The following MMUT variants were observed in gnomAD, a reference collection of about 807,000 sequenced individuals.
MMUT encodes the protein methylmalonyl-CoA mutase, mitochondrial.
A neutral mutation model predicts 79.9 loss-of-function variants in MMUT; 79 were observed. The observed-to-expected ratio is 0.99, with a 90% confidence interval of 0.82 to 1.19. MMUT has a LOEUF of 1.19. Ranked by LOEUF, MMUT falls within the 50% of genes most tolerant of loss-of-function variation. MMUT has a pLI of 0.00. For synonymous variants in MMUT, 273 were observed against 295.7 expected, an observed-to-expected ratio of 0.92 and a Z score of 0.79; for missense variants, 860 against 917.2, an observed-to-expected ratio of 0.94 and a Z score of 0.81.
rs753801296 is a variant in MMUT at position 49,453,666 on chromosome 6, C to T, written c.1002G>A (p.Glu334=). Residue 334 remains glutamate (E), a synonymous_variant, in exon 5 of 13, where the codon GAG becomes GAA. Coordinates refer to ENST00000274813, the MANE Select transcript of MMUT (RefSeq NM_000255.4). The part of the protein sequence containing the change: ...AGRRLWAHLI[E]KMFQPKNSKS... ...TTGAGTTTTTAGGCTGAAACATTTT[C>T]TCTATTAAGTGAGCCCAGAGTCTTC... is the stretch of plus-strand genomic sequence containing the variant. The T allele has an allele frequency of 9.3e-6, 15 of 1,613,116 alleles. No individual in the cohort carries two copies. The highest frequency in any genetic ancestry group is 1.3e-5 in the Non-Finnish European group (15 of 1,179,422).
chr6:49,438,983 A>G (rs974021226), intron 11 of MMUT, among the ~76,000 whole-genome samples: 1 of 152,058 alleles, frequency 6.6e-6, no homozygotes, highest in Admixed American at 6.6e-5. Context: ...CATGTGAGTT[A>G]ACACTTAATA....
chr6:49,456,292 A>T, intron 3 of MMUT, 55 bp from the exon 4 acceptor site: 1 of 1,212,940 alleles, frequency 8.2e-7, no homozygotes, highest in Non-Finnish European at 1.2e-6. Context: ...AAAAGGTCCT[A>T]TTAAATCCAC....
Position 49,451,490 on chromosome 6 carries a change from A to G in MMUT, c.1308T>C (p.Asn436=), listed in dbSNP as rs766646882. The change falls in exon 6 of 13, where the codon AAT becomes AAC. Residue 436 remains asparagine, a synonymous_variant. Transcript: ENST00000274813. The stretch of plus-strand genomic sequence containing the variant: ...CCTTTAAAGCAGCATCATAAACATC[A>G]TTTGTGAGACATTCCATCATGTAAG... The part of the protein sequence containing the change: ...GGSYMMECLT[N]DVYDAALKLI... 2.8e-5 allele frequency: 45 copies of G among 1,613,974 alleles called. No individual in the cohort carries two copies. The highest frequency in any genetic ancestry group is 3.8e-5 in the Non-Finnish European group (45 of 1,180,002).
chr6:49,449,460 A>G (rs1018585118), intron 6 of MMUT, among the ~76,000 whole-genome samples: 6 of 152,152 alleles, frequency 3.9e-5, no homozygotes, highest in Middle Eastern at 3.4e-3. Context: ...AGAAGAATCT[A>G]TATTGGATTC....
chr6:49,436,587 A>C (rs1341531460), intron 11 of MMUT, among the ~76,000 whole-genome samples: 1 of 150,634 alleles, frequency 6.6e-6, no homozygotes, highest in Non-Finnish European at 1.5e-5. Context: ...CATGGATGAA[A>C]GAGCGAGACT....
chr6:49,457,127 A>G (rs759132949), intron 3 of MMUT, among the ~76,000 whole-genome samples: 2 of 152,226 alleles, frequency 1.3e-5, no homozygotes, highest in Non-Finnish European at 2.9e-5. Flanking sequence ...GAGAAGGAGT[A>G]CGTTGCTGGT....
chr6:49,443,871 G>A (rs183173645), intron 9 of MMUT: 2 of 389,822 alleles, frequency 5.1e-6, no homozygotes, highest in East Asian at 8.5e-5. Context: ...TTTAAATGCA[G>A]GATGACAAAA....
chr6:49,447,916 T>C (rs1767452241), intron 7 of MMUT, 131 bp from the exon 8 acceptor site: 2 of 633,804 alleles, frequency 3.2e-6, no homozygotes, highest in Non-Finnish European at 5.6e-6. Flanking sequence ...AACTTCAATA[T>C]AGATCAGCAA....
chr6:49,451,691 A>G lies in MMUT; in HGVS notation c.1107T>C (p.Arg369=). The change falls in exon 6 of 13, where the codon CGT becomes CGC. Residue 369 remains arginine (R), a synonymous_variant. Transcript: ENST00000274813. ...CTGCTGCCATTGCTTCTATTGCAGT[A>G]CGGACAATATTATTGTAGGGATCCT... ...TEQDPYNNIV[R]TAIEAMAAVF... is the part of the protein sequence containing the mutation. 6.2e-7 allele frequency: 1 copy of G among 1,613,992 alleles called. No individual in the cohort carries two copies. The highest frequency in any genetic ancestry group is 1.1e-5 in the South Asian group (1 of 91,080).
At chr6:49,457,568 C>T in intron 3 of MMUT, 123 bp downstream of exon 3, 8 of 848,340 alleles carry the variant, frequency 9.4e-6, no homozygotes, top group Non-Finnish European at 1.2e-5. Flanking sequence ...CAAAAAGTAA[C>T]AATAACAAAA....
intron 12 of MMUT, among the ~76,000 whole-genome samples, chr6:49,434,253 G>A (rs1255057819): frequency 6.6e-6 from 1 of 152,086 alleles, no homozygotes; most frequent in Non-Finnish European, 1.5e-5. Context: ...TAATAGGCAA[G>A]CATATTAACA....
At chr6:49,434,850 A>G (rs1767081752) in intron 12 of MMUT, among the ~76,000 whole-genome samples, 1 of 152,152 alleles carries the variant, frequency 6.6e-6, no homozygotes, top group Non-Finnish European at 1.5e-5. Context: ...TATGTCTGCA[A>G]TAGGATATTT....
rs1189602990 is a variant in MMUT, at chr6:49,463,240, A to T, written c.-177T>A. The T allele has an allele frequency of 6.6e-6, 1 of 152,504 alleles. No homozygotes were observed. Among genetic ancestry groups the T allele is most frequent in the African/African-American group, 2.4e-5 (1 of 41,454 alleles). The allele number at this position is 152,504 out of a possible 1,614,324, so 9.4% of individuals were successfully genotyped here. A position where few individuals can be genotyped will look rare whatever the true frequency, so the allele number is the denominator to read the frequency against. On this transcript the variant is annotated 5_prime_UTR_variant, in exon 1 of 13. Transcript: ENST00000274813. ...CACAAACCGCGCCACCGCCAGCGTC[A>T]GCCGGACGACTCTGGGGGCGTAGGC... is the stretch of plus-strand genomic sequence containing the variant.
Position 49,431,627 on chromosome 6 carries a change from C to A in MMUT, c.*101G>T. ...TAAAGTAAAGCTTTCAAGGAAAGTA[C>A]AAATCAGGTATTGAAATTAAATTGA... On this transcript the variant is annotated 3_prime_UTR_variant, in exon 13 of 13. Transcript: ENST00000274813. 1 of 1,279,296 alleles carries A rather than the reference C, an allele frequency of 7.8e-7. No homozygotes were observed. Among genetic ancestry groups the A allele is most frequent in the South Asian group, 1.3e-5 (1 of 79,758 alleles). 79.2% of individuals were successfully genotyped at this position (1,279,296 alleles called of 1,614,324 possible). A position where few individuals can be genotyped will look rare whatever the true frequency, so the allele number is the denominator to read the frequency against.
At position 49,441,832 on chromosome 6, in the gene MMUT, C is replaced by T; in HGVS notation, c.1808+8G>A. The T allele has an allele frequency of 1.2e-6, 2 of 1,609,724 alleles. No homozygotes were observed. The highest frequency in any genetic ancestry group is 1.1e-5 in the South Asian group (1 of 90,862). On this transcript the variant is annotated splice_region_variant and intron_variant, in intron 10 of 12. Coordinates refer to ENST00000274813, the MANE Select transcript of MMUT (RefSeq NM_000255.4). ...TGAAATTCTGGCCTAAGAAACCTTA[C>T]ATATTACCTCTTGATAGCAGATGTT... is the stretch of plus-strand genomic sequence containing the variant.
chr6:49,432,692 A>C (rs2127412391), intron 12 of MMUT, among the ~76,000 whole-genome samples: 1 of 152,172 alleles, frequency 6.6e-6, no homozygotes. Context: ...TGGCCTTTTT[A>C]GTTTATTTTA....
At chr6:49,462,236 TG>T (rs1350773670) in intron 1 of MMUT, among the ~76,000 whole-genome samples, 1 of 152,040 alleles carries the variant, frequency 6.6e-6, no homozygotes, top group Non-Finnish European at 1.5e-5. Flanking sequence ...ACAACTAAAA[TG>T]AGTTAAAGAG....
chr6:49,436,544 G>T lies in MMUT; in HGVS notation c.1957-921C>A, dbSNP rs144754163. 0.028 allele frequency among the ~76,000 whole-genome samples: 4,187 copies of T among 151,008 alleles called. 73 individuals carry two copies. The highest frequency in any genetic ancestry group is 0.061 in the East Asian group (311 of 5,130). ...CACTTGAACCCAGGAGGTGGAGGTT[G>T]TAGTGAGCCAAGATCATACCACTGC... is the stretch of plus-strand genomic sequence containing the variant. On this transcript the variant is annotated intron_variant, in intron 11 of 12. Coordinates refer to ENST00000274813, the MANE Select transcript of MMUT (RefSeq NM_000255.4).
chr6:49,444,338 G>A (rs1767353656), intron 9 of MMUT, among the ~76,000 whole-genome samples: 1 of 151,966 alleles, frequency 6.6e-6, no homozygotes, highest in African/African-American at 2.4e-5. Flanking sequence ...GCATAAACCT[G>A]GTGATATACT....
Sources: gnomAD v4.1 joint callset for allele counts (sites outside exome capture counted in the v4.1 genomes callset) on GRCh38, gnomAD v4.1.1 for gene constraint, MANE v1.5 for transcripts, NCBI Gene and HGNC (gene_info 2026-07-23, HGNC 2026-07-21) for gene names.